The following ZNF780A variants were observed in gnomAD, a reference collection of about 807,000 sequenced individuals.
ZNF780A encodes the protein zinc finger protein 780A.
A neutral mutation model predicts 56.7 loss-of-function variants in ZNF780A; 40 were observed. That is an observed-to-expected ratio of 0.71 (90% CI 0.55 to 0.92). The LOEUF (loss-of-function observed/expected upper bound fraction) is 0.92. ZNF780A is among the 40% of genes least tolerant of loss of function. The pLI is 0.00. For missense variants in ZNF780A, 672 were observed against 783.3 expected, an observed-to-expected ratio of 0.86 and a Z score of 1.70; for synonymous variants, 231 against 248.3, an observed-to-expected ratio of 0.93 and a Z score of 0.66.
downstream of ZNF780A, chr19:40,069,574 G>A (rs899700265): frequency 1.3e-4 from 20 of 152,054 alleles, no homozygotes; most frequent in African/African-American, 4.8e-4. Context: ...ATTGTTAGTT[G>A]ACATTGTTGG....
intron 5 of ZNF780A, among the ~76,000 whole-genome samples, chr19:40,078,348 A>C (rs200212007): frequency 9.5e-4 from 144 of 152,272 alleles, no homozygotes; most frequent in African/African-American, 3.4e-3. Context: ...GATGAAGAGA[A>C]AAAATAAAGG....
intron 2 of ZNF780A, among the ~76,000 whole-genome samples, chr19:40,086,956 GC>G (rs1471481319): frequency 1.3e-5 from 2 of 152,286 alleles, no homozygotes; most frequent in African/African-American, 4.8e-5. Context: ...GCCTGCCTCA[GC>G]CTCCTAAAGT....
intron 5 of ZNF780A, 92 bp from the exon 6 acceptor site, chr19:40,076,301 C>T: frequency 1.6e-6 from 2 of 1,262,480 alleles, no homozygotes; most frequent in Non-Finnish European, 2.1e-6. Context: ...TCAATTCAAA[C>T]CAATAAAACC....
rs1475036267 is a variant in ZNF780A at position 40,073,861 on chromosome 19, C to A, written c.*655G>T. ...CTCCTTATTGTCACAAAATTTCTAA[C>A]TATTCTGAATTTTCTGATGTTGAGA... On this transcript the variant is annotated 3_prime_UTR_variant, in exon 6 of 6. Transcript: ENST00000683561. 17 of 995,830 alleles carry A rather than the reference C, an allele frequency of 1.7e-5. No homozygotes were observed. The highest frequency in any genetic ancestry group is 1.9e-5 in the Non-Finnish European group (16 of 836,078). 61.7% of individuals were successfully genotyped at this position (995,830 alleles called of 1,614,324 possible).
intron 5 of ZNF780A, among the ~76,000 whole-genome samples, chr19:40,080,253 T>C (rs150179766): frequency 6.6e-6 from 1 of 152,182 alleles, no homozygotes; most frequent in East Asian, 1.9e-4. Context: ...CTCAAACTAT[T>C]CCAAAAAATT....
chr19:40,073,998 C>T lies in ZNF780A; in HGVS notation c.*518G>A. The stretch of plus-strand genomic sequence containing the variant: ...GTTTGAGCTACAACTAAAGGTCTTC[C>T]CACATTCTGTACATTCACAGGGTTT... On this transcript the variant is annotated 3_prime_UTR_variant, in exon 6 of 6. Coordinates refer to ENST00000683561, the MANE Select transcript of ZNF780A (RefSeq NM_001142578.2). 9.1e-7 allele frequency: 1 copy of T among 1,103,840 alleles called. No homozygotes were observed. Among genetic ancestry groups the T allele is most frequent in the Non-Finnish European group, 1.1e-6 (1 of 895,810 alleles). The allele number at this position is 1,103,840 out of a possible 1,614,324, so 68.4% of individuals were successfully genotyped here.
At position 40,076,130 on chromosome 19, in the gene ZNF780A, T is replaced by G; in HGVS notation, c.312A>C (p.Ile104=). Residue 104 remains isoleucine (I), a synonymous_variant, in exon 6 of 6, where the codon ATA becomes ATC. Transcript: ENST00000683561. ...TSEVNLPKQV[I]KQISTTLGIE... is the part of the protein sequence containing the mutation. ...TGCCAAGAGTTGTACTTATTTGCTT[T>G]ATAACCTGTTTGGGTAAATTTACTT... is the stretch of plus-strand genomic sequence containing the variant. 1 of 1,606,652 alleles carries G rather than the reference T, an allele frequency of 6.2e-7. No individual in the cohort carries two copies. The highest frequency in any genetic ancestry group is 1.7e-4 in the Middle Eastern group (1 of 5,992).
intron 2 of ZNF780A, chr19:40,089,208 G>C (rs1974992333): frequency 7.3e-7 from 1 of 1,366,368 alleles, no homozygotes; most frequent in Non-Finnish European, 9.6e-7. Flanking sequence ...AACTATGTGA[G>C]GTAATGCATT....
intron 3 of ZNF780A, among the ~76,000 whole-genome samples, chr19:40,083,835 T>C (rs994579540): frequency 6.6e-6 from 1 of 152,148 alleles, no homozygotes; most frequent in African/African-American, 2.4e-5. Flanking sequence ...TATTCATTTT[T>C]TTTCTATTTA....
At position 40,084,782 on chromosome 19, in the gene ZNF780A, TTCC is replaced by T. The variant is rs1974689033; in HGVS notation, c.-32_-30del. Reference sequence around the variant, plus strand: ...GCTAGAATTACAAAACTGGTCAATCTTCCTCGGGCTTCTCCCCTGGAAAACAAC... The same window carrying T: ...GCTAGAATTACAAAACTGGTCAATCTTCGGGCTTCTCCCCTGGAAAACAAC... On this transcript the variant is annotated 5_prime_UTR_variant, in exon 3 of 6. Transcript: ENST00000683561. 6.4e-7 allele frequency: 1 copy of T among 1,553,070 alleles called. No homozygotes were observed. The highest frequency in any genetic ancestry group is 8.7e-7 in the Non-Finnish European group (1 of 1,147,940).
At position 40,073,193 on chromosome 19, in the gene ZNF780A, C is replaced by T. The variant is rs1359695994; in HGVS notation, c.*1323G>A. ...GTGCAAATTGTTAACAATTTTGAAT[C>T]TAGGTTGGGGTATATGATTGTATAT... On this transcript the variant is annotated 3_prime_UTR_variant, in exon 6 of 6. Transcript: ENST00000683561. The T allele has an allele frequency of 2.5e-6, 2 of 804,354 alleles. No individual in the cohort carries two copies. The highest frequency in any genetic ancestry group is 3.4e-6 in the Non-Finnish European group (2 of 596,426). The allele number at this position is 804,354 out of a possible 1,614,324, so 49.8% of individuals were successfully genotyped here.
At chr19:40,086,680 T>C (rs948368081) in intron 2 of ZNF780A, among the ~76,000 whole-genome samples, 9 of 152,132 alleles carry the variant, frequency 5.9e-5, no homozygotes, top group African/African-American at 2.2e-4. Flanking sequence ...TCTTAGTATA[T>C]GGGATTCATA....
Position 40,074,702 on chromosome 19 carries a change from A to C in ZNF780A, c.1740T>G (p.Thr580=). 1.9e-6 allele frequency: 3 copies of C among 1,614,182 alleles called. No homozygotes were observed. The highest frequency in any genetic ancestry group is 2.5e-6 in the Non-Finnish European group (3 of 1,180,006). ...MHLIRHQKLH[T]GEKPFECKEC... ...CCTTACATTCAAAGGGTTTCTCACC[A>C]GTATGCAATTTCTGATGTCGAATAA... Residue 580 remains threonine (T), a synonymous_variant, in exon 6 of 6, where the codon ACT becomes ACG. Transcript: ENST00000683561.
At chr19:40,071,577 T>C (rs1369460254), downstream of ZNF780A, 1 of 152,176 alleles carries the variant, frequency 6.6e-6, no homozygotes, top group Non-Finnish European at 1.5e-5. Context: ...AAAATACACA[T>C]GATTATAAAT....
At chr19:40,071,370 G>T (rs1230818944), downstream of ZNF780A, 3 of 152,086 alleles carry the variant, frequency 2.0e-5, no homozygotes, top group Admixed American at 1.3e-4. Context: ...TGATGTATAG[G>T]TGCTGATGAT....
chr19:40,090,383 TA>T (rs1381879006), intron 1 of ZNF780A, 148 bp from the exon 2 acceptor site: 5 of 152,182 alleles, frequency 3.3e-5, no homozygotes, highest in Admixed American at 6.5e-5. Context: ...ATTCAACCAG[TA>T]CAACCAGTTT....
rs1288182766 is a variant in ZNF780A, at chr19:40,075,842, T to C, written c.600A>G (p.Lys200=). ...TAAATTGTATGTGAAGTCGAAAGGC[T>C]TTCCCACACTCCTTACATTCAAAGG... ...EKPFECKECG[K]AFRLHIQFTR... The change falls in exon 6 of 6, where the codon AAA becomes AAG. Residue 200 remains lysine, a synonymous_variant. Coordinates refer to ENST00000683561, the MANE Select transcript of ZNF780A (RefSeq NM_001142578.2). 1.2e-6 allele frequency: 2 copies of C among 1,613,654 alleles called. No homozygotes were observed. Among genetic ancestry groups the C allele is most frequent in the Non-Finnish European group, 1.7e-6 (2 of 1,179,900 alleles).
At chr19:40,070,061 TAAGAA>T (rs1973767210), downstream of ZNF780A, 1 of 152,080 alleles carries the variant, frequency 6.6e-6, no homozygotes, top group Non-Finnish European at 1.5e-5. Context: ...CATTTCACAA[TAAGAA>T]AATACCCCAA....
chr19:40,090,275 C>A (rs2144991367), intron 1 of ZNF780A, 40 bp from the exon 2 acceptor site: 1 of 152,278 alleles, frequency 6.6e-6, no homozygotes, highest in East Asian at 1.9e-4. Flanking sequence ...CCAGGCATTT[C>A]TTGGAGCGCA....
Sources: gnomAD v4.1 joint callset for allele counts (sites outside exome capture counted in the v4.1 genomes callset) on GRCh38, gnomAD v4.1.1 for gene constraint, MANE v1.5 for transcripts, NCBI Gene and HGNC (gene_info 2026-07-23, HGNC 2026-07-21) for gene names.